CSMD1: variants seen among roughly 807,000 people sequenced by gnomAD.
CSMD1 encodes CUB and Sushi multiple domains 1.
CSMD1 carries 213 observed loss-of-function variants against 417.5 expected under a neutral mutation model. That is an observed-to-expected ratio of 0.51 (90% CI 0.46 to 0.57). The LOEUF is 0.57. Ranked by LOEUF, CSMD1 falls within the 20% of genes least tolerant of loss-of-function variation. CSMD1 has a pLI of 0.00. For missense variants in CSMD1, 6,923 were observed against 4,529.7 expected, an observed-to-expected ratio of 1.53 and a Z score of -15.17; for synonymous variants, 2,862 against 1,736.8, an observed-to-expected ratio of 1.65 and a Z score of -16.11.
intron 1 of CSMD1, among the ~76,000 whole-genome samples, chr8:4,685,147 T>C (rs1806291878): frequency 2.0e-5 from 3 of 152,242 alleles, no homozygotes; most frequent in East Asian, 1.9e-4. Flanking sequence ...ATAATCATTG[T>C]ATGTTGTAAA....
At chr8:4,795,759 T>C (rs1797949644) in intron 1 of CSMD1, among the ~76,000 whole-genome samples, 1 of 152,148 alleles carries the variant, frequency 6.6e-6, no homozygotes, top group Non-Finnish European at 1.5e-5. Flanking sequence ...GTTACCTCCG[T>C]ACCTGTGCAC....
At chr8:3,632,977 A>G (rs1796857271) in intron 7 of CSMD1, among the ~76,000 whole-genome samples, 1 of 152,242 alleles carries the variant, frequency 6.6e-6, no homozygotes, top group Non-Finnish European at 1.5e-5. Context: ...CACTTTGAAA[A>G]GTGGGTGCTC....
intron 18 of CSMD1, among the ~76,000 whole-genome samples, chr8:3,381,817 G>C (rs1018384985): frequency 4.6e-5 from 7 of 152,100 alleles, no homozygotes; most frequent in African/African-American, 1.7e-4. Context: ...TCTCTGAAGA[G>C]GCGAGCATGA....
At chr8:3,675,486 G>C (rs561339002) in intron 7 of CSMD1, among the ~76,000 whole-genome samples, 1 of 152,192 alleles carries the variant, frequency 6.6e-6, no homozygotes, top group Non-Finnish European at 1.5e-5. Context: ...GAATATTTGT[G>C]TCCCACCAAA....
At chr8:4,852,782 C>G (rs1801555617) in intron 1 of CSMD1, among the ~76,000 whole-genome samples, 3 of 152,028 alleles carry the variant, frequency 2.0e-5, no homozygotes, top group African/African-American at 4.8e-5. Flanking sequence ...GATGGGCAGG[C>G]TGATGAGGTC....
At chr8:4,343,553 C>G (rs1375298322) in intron 3 of CSMD1, among the ~76,000 whole-genome samples, 1 of 152,006 alleles carries the variant, frequency 6.6e-6, no homozygotes, top group Non-Finnish European at 1.5e-5. Flanking sequence ...TGTTACTTGT[C>G]AATTATATAT....
chr8:4,369,901 T>G (rs531999916), intron 3 of CSMD1, among the ~76,000 whole-genome samples: 1 of 152,282 alleles, frequency 6.6e-6, no homozygotes, highest in African/African-American at 2.4e-5. Flanking sequence ...TCCATTTGGG[T>G]AAAATGTATT....
Position 3,493,726 on chromosome 8 carries a change from C to T in CSMD1, c.1345G>A (p.Val449Ile). Residue 449 changes from valine to isoleucine, a missense_variant and splice_region_variant, in exon 11 of 70, where the codon GTC becomes ATC. Physicochemically the swap from Val to Ile is conservative, Grantham distance 29. Coordinates refer to ENST00000635120, the MANE Select transcript of CSMD1 (RefSeq NM_033225.6). ...WVITTTDPDKVIKLAFEEFEL... is the reference protein window; with the variant it reads ...WVITTTDPDKIIKLAFEEFEL... ...AACTCTTCAAAGGCAAGCTTGATGACCTAAATACAAGGTACGAAACAGTGA... is the reference window on the plus strand; with the variant it reads ...AACTCTTCAAAGGCAAGCTTGATGATCTAAATACAAGGTACGAAACAGTGA... 1.2e-6 allele frequency: 2 copies of T among 1,607,916 alleles called. No homozygotes were observed. The highest frequency in any genetic ancestry group is 1.3e-5 in the African/African-American group (1 of 74,960).
chr8:3,869,845 G>A (rs928276456), intron 5 of CSMD1, among the ~76,000 whole-genome samples: 23 of 152,110 alleles, frequency 1.5e-4, no homozygotes, highest in Admixed American at 1.3e-3. Context: ...CACATTCCAT[G>A]CTTTTATGAA....
At chr8:4,188,316 G>T (rs1278086895) in intron 3 of CSMD1, among the ~76,000 whole-genome samples, 1 of 152,070 alleles carries the variant, frequency 6.6e-6, no homozygotes, top group African/African-American at 2.4e-5. Flanking sequence ...TCGCTCACGT[G>T]GTTTTCTGGA....
At chr8:3,774,906 T>C (rs1798815708) in intron 5 of CSMD1, among the ~76,000 whole-genome samples, 4 of 152,030 alleles carry the variant, frequency 2.6e-5, no homozygotes, top group Admixed American at 2.0e-4. Context: ...GTCTTTTCAA[T>C]ATGGTAACCA....
chr8:4,512,416 A>T (rs1431358284), intron 2 of CSMD1, among the ~76,000 whole-genome samples: 1 of 152,196 alleles, frequency 6.6e-6, no homozygotes, highest in Non-Finnish European at 1.5e-5. Flanking sequence ...GATTTCCAAC[A>T]TCGTAGCTAA....
rs1454772750 is a variant in CSMD1, at chr8:4,887,638, T to A, written c.85+106694A>T. On this transcript the variant is annotated intron_variant, in intron 1 of 69. Transcript: ENST00000635120. ...TTGGTTTTGCTTTATTTTCAATATT[T>A]ATTAATTCTACTGGTTTTGCTTTAT... 1.3e-5 allele frequency among the ~76,000 whole-genome samples: 2 copies of A among 152,058 alleles called. 1 individual carries two copies. Among genetic ancestry groups the A allele is most frequent in the African/African-American group, 4.8e-5 (2 of 41,398 alleles).
intron 5 of CSMD1, among the ~76,000 whole-genome samples, chr8:3,792,109 A>T (rs571280900): frequency 6.6e-6 from 1 of 152,220 alleles, no homozygotes; most frequent in African/African-American, 2.4e-5. Flanking sequence ...GCCTGGGCCA[A>T]ATAGGGAGAC....
At chr8:3,520,847 C>A (rs1797478356) in intron 10 of CSMD1, among the ~76,000 whole-genome samples, 1 of 152,134 alleles carries the variant, frequency 6.6e-6, no homozygotes, top group Non-Finnish European at 1.5e-5. Flanking sequence ...CAACCTCTCC[C>A]AGCCTGAACC....
At chr8:4,308,234 T>C (rs780339630) in intron 3 of CSMD1, among the ~76,000 whole-genome samples, 22 of 152,004 alleles carry the variant, frequency 1.4e-4, no homozygotes, top group Non-Finnish European at 2.6e-4. Flanking sequence ...TGGTATGCAG[T>C]CATGTATAGT....
chr8:3,855,218 G>A (rs541661413), intron 5 of CSMD1, among the ~76,000 whole-genome samples: 6 of 152,090 alleles, frequency 3.9e-5, no homozygotes, highest in East Asian at 1.9e-4. Context: ...ACAAGGCTGC[G>A]ACAGCTATTT....
chr8:3,477,841 G>C (rs1046674623), intron 11 of CSMD1, among the ~76,000 whole-genome samples: 1 of 152,174 alleles, frequency 6.6e-6, no homozygotes, highest in African/African-American at 2.4e-5. Context: ...CCAGGACATG[G>C]TAGTTACAGA....
chr8:3,962,595 A>C (rs1285010048), intron 5 of CSMD1, among the ~76,000 whole-genome samples: 1 of 152,102 alleles, frequency 6.6e-6, no homozygotes, highest in African/African-American at 2.4e-5. Context: ...AATCCATGCT[A>C]TGAAGAGGAA....
Sources: gnomAD v4.1 joint callset for allele counts (sites outside exome capture counted in the v4.1 genomes callset) on GRCh38, gnomAD v4.1.1 for gene constraint, MANE v1.5 for transcripts, NCBI Gene and HGNC (gene_info 2026-07-23, HGNC 2026-07-21) for gene names.